Variants in DACH2 observed in about 807,000 individuals in gnomAD.
DACH2 encodes dachshund family transcription factor 2.
DACH2 carries 17 observed loss-of-function variants against 35.8 expected under a neutral mutation model. The observed-to-expected ratio is 0.48, with a 90% CI of 0.33 to 0.71. The LOEUF (loss-of-function observed/expected upper bound fraction) is 0.71, where lower values mean the gene tolerates loss of function less well. DACH2 is among the 30% of genes least tolerant of loss of function. DACH2 has a pLI of 0.02. For missense variants in DACH2, 469 were observed against 472.7 expected (o/e 0.99, Z 0.07); for synonymous variants, 195 against 177.3 (o/e 1.10, Z -0.79).
chrX:86,235,905 G>A (rs941141285), intron 1 of DACH2, among the ~76,000 whole-genome samples: 2 of 111,582 alleles, frequency 1.8e-5, no homozygotes, highest in African/African-American at 6.5e-5. Context: ...AGGCCAAGGT[G>A]GGTAGATTAC....
In DACH2 at chrX:86,405,494, A is replaced by G. The variant is rs187246768; in HGVS notation, c.527+28632A>G. 3.9e-3 allele frequency among the ~76,000 whole-genome samples: 437 copies of G among 111,564 alleles called. 2 individuals carry two copies. The highest frequency in any genetic ancestry group is 0.014 in the African/African-American group (425 of 30,634). ...TCCATCTGAGACCAACTCAGCCTGA[A>G]CCTTATTGTGCATATCACTATCAGC... On this transcript the variant is annotated intron_variant, in intron 2 of 11. Transcript: ENST00000373125.
chrX:86,304,059 G>T (rs1384681751), intron 1 of DACH2, among the ~76,000 whole-genome samples: 1 of 111,645 alleles, frequency 9.0e-6, no homozygotes, highest in Non-Finnish European at 1.9e-5. Flanking sequence ...AAAATAAAGA[G>T]CCCAGATAAA....
chrX:86,477,593 T>C (rs1406930825), intron 2 of DACH2, among the ~76,000 whole-genome samples: 1 of 109,549 alleles, frequency 9.1e-6, no homozygotes, highest in Non-Finnish European at 1.9e-5. Flanking sequence ...AGCAGATCAT[T>C]GGGTTCAGTT....
intron 3 of DACH2, among the ~76,000 whole-genome samples, chrX:86,616,593 G>T (rs2040007159): frequency 9.0e-6 from 1 of 111,630 alleles, no homozygotes; most frequent in African/African-American, 3.3e-5. Flanking sequence ...CATGTCCTTT[G>T]CCCACTTTTT....
At chrX:86,302,616 G>A (rs2148014300) in intron 1 of DACH2, among the ~76,000 whole-genome samples, 1 of 111,257 alleles carries the variant, frequency 9.0e-6, no homozygotes, top group African/African-American at 3.3e-5. Flanking sequence ...CAGGACCATA[G>A]ATTTAATAAA....
intron 7 of DACH2, among the ~76,000 whole-genome samples, chrX:86,745,940 G>A (rs1329451360): frequency 9.0e-6 from 1 of 111,237 alleles, no homozygotes; most frequent in East Asian, 2.9e-4. Context: ...TGATTGGTGT[G>A]AGATGGTATC....
chrX:86,481,045 C>T (rs1282391502), intron 2 of DACH2: 1 of 111,902 alleles, frequency 8.9e-6, no homozygotes, highest in Non-Finnish European at 1.9e-5. Context: ...TTTAGGAGCA[C>T]ATATATGAAA....
At chrX:86,457,947 A>T (rs7876086) in intron 2 of DACH2, among the ~76,000 whole-genome samples, 1,244 of 112,046 alleles carry the variant, frequency 0.011, 18 homozygotes, top group African/African-American at 0.038. Context: ...TAAAGGAGAT[A>T]GTCCCTGGGA....
chrX:86,455,640 G>A (rs945817353), intron 2 of DACH2, among the ~76,000 whole-genome samples: 1 of 112,744 alleles, frequency 8.9e-6, no homozygotes, highest in African/African-American at 3.2e-5. Context: ...AAAGCCAGCA[G>A]GCTGGAATGT....
rs5968964 is a variant in DACH2 at position 86,667,997 on chromosome X, A to G, written c.772+16830A>G. 5.9e-3 allele frequency among the ~76,000 whole-genome samples: 657 copies of G among 112,166 alleles called. 5 individuals are homozygous for G. The highest frequency in any genetic ancestry group is 0.02 in the African/African-American group (618 of 30,931). ...TGCACATTTCACTGAAGGAAAATATATACCTCTTAGTTTATATTTCATCCA... is the reference window on the plus strand; with the variant it reads ...TGCACATTTCACTGAAGGAAAATATGTACCTCTTAGTTTATATTTCATCCA... On this transcript the variant is annotated intron_variant, in intron 4 of 11. Transcript: ENST00000373125.
chrX:86,428,451 A>G (rs1300809476), intron 2 of DACH2, among the ~76,000 whole-genome samples: 1 of 112,097 alleles, frequency 8.9e-6, no homozygotes, highest in Non-Finnish European at 1.9e-5. Context: ...AAAAGCCACC[A>G]TGCTAATGCC....
At chrX:86,521,482 T>C (rs1327279819) in intron 3 of DACH2, among the ~76,000 whole-genome samples, 1 of 111,928 alleles carries the variant, frequency 8.9e-6, no homozygotes, top group Non-Finnish European at 1.9e-5. Context: ...GATGACATTC[T>C]GAAATATGTT....
intron 3 of DACH2, among the ~76,000 whole-genome samples, chrX:86,615,181 T>A (rs2039988705): frequency 9.0e-6 from 1 of 111,692 alleles, no homozygotes; most frequent in African/African-American, 3.2e-5. Context: ...AGAATGTGGA[T>A]TTGAGTTTCA....
At chrX:86,643,191 AAAAAT>A (rs1420527222) in intron 3 of DACH2, among the ~76,000 whole-genome samples, 10 of 100,802 alleles carry the variant, frequency 9.9e-5, no homozygotes, top group African/African-American at 2.5e-4. Context: ...TTTTTTTGAA[AAAAAT>A]AAAATAAAAT....
chrX:86,716,880 A>G (rs1328822793), intron 6 of DACH2, among the ~76,000 whole-genome samples: 1 of 111,918 alleles, frequency 8.9e-6, no homozygotes, highest in African/African-American at 3.2e-5. Flanking sequence ...TTCATATGCA[A>G]CCTTTTAAAA....
chrX:86,731,500 A>G (rs2041532455), intron 6 of DACH2, among the ~76,000 whole-genome samples: 1 of 111,932 alleles, frequency 8.9e-6, no homozygotes, highest in Non-Finnish European at 1.9e-5. Context: ...TTACTTTTCA[A>G]TACCTTCAAC....
chrX:86,291,701 G>T (rs1344712105), intron 1 of DACH2, among the ~76,000 whole-genome samples: 1 of 100,434 alleles, frequency 1.0e-5, no homozygotes, highest in African/African-American at 3.8e-5. Context: ...TTTTGTCTTT[G>T]GTTCTGTTTA....
chrX:86,429,506 T>C lies in DACH2; in HGVS notation c.527+52644T>C, dbSNP rs187734768. 2.7e-4 allele frequency among the ~76,000 whole-genome samples: 30 copies of C among 110,121 alleles called. No homozygotes were observed. In the East Asian group the frequency reaches 3.1e-3, roughly 12 times the overall value. ...ACTATAATTCAAATAAAACATATTG[T>C]TGTTAATAAAATGACTTTTCTAGAG... On this transcript the variant is annotated intron_variant, in intron 2 of 11. Coordinates refer to ENST00000373125, the MANE Select transcript of DACH2 (RefSeq NM_053281.3).
In DACH2 at chrX:86,430,519, A is replaced by G. The variant is rs140305652; in HGVS notation, c.527+53657A>G. ...CCGACATGGTATGTCTTTCTACGTG[A>G]CAATGCGTTTCCAAATTGTTTTAAC... is the stretch of plus-strand genomic sequence containing the variant. On this transcript the variant is annotated intron_variant, in intron 2 of 11. Transcript: ENST00000373125. Among the ~76,000 whole-genome samples the G allele has an allele frequency of 4.0e-3, 445 of 112,498 alleles. 2 individuals carry two copies. The highest frequency in any genetic ancestry group is 0.014 in the African/African-American group (432 of 31,034).
Sources: gnomAD v4.1 joint callset for allele counts (sites outside exome capture counted in the v4.1 genomes callset) on GRCh38, gnomAD v4.1.1 for gene constraint, MANE v1.5 for transcripts, NCBI Gene and HGNC (gene_info 2026-07-23, HGNC 2026-07-21) for gene names.